The following BASP1 variants were observed in gnomAD, a reference collection of about 807,000 sequenced individuals.
BASP1 encodes brain acid soluble protein 1.
BASP1 carries 1 observed loss-of-function variant against 2.2 expected under a neutral mutation model. The ratio of observed to expected loss-of-function variants is 0.46; its 90% confidence interval spans 0.16 to 2.17. BASP1 has a LOEUF of 2.17. Among genes scored for constraint, BASP1 ranks in the 30% most tolerant of loss-of-function variants. The pLI is 0.27. For missense variants in BASP1, 352 were observed against 327.2 expected (o/e 1.08, Z -0.58); for synonymous variants, 187 against 154.2 (o/e 1.21, Z -1.58).
At chr5:17,234,408 G>A (rs753533321) in intron 1 of BASP1, among the ~76,000 whole-genome samples, 3 of 152,062 alleles carry the variant, frequency 2.0e-5, no homozygotes, top group Non-Finnish European at 2.9e-5. Flanking sequence ...TAGTTAAAAG[G>A]TACAAATAAT....
In BASP1 at chr5:17,275,176, G is replaced by A. The variant is rs766744463; in HGVS notation, c.-9-32G>A. On this transcript the variant is annotated intron_variant, in intron 1 of 1. Transcript: ENST00000322611. The surrounding 1 kb of genome is among the most constrained non-coding windows in gnomAD (Gnocchi z 5.3). ...TGGTCCCCACACTTGCCTAGTAACCGCCGTTTTGTTTTGTTTTGTGTTTGC... is the reference window on the plus strand; with the variant it reads ...TGGTCCCCACACTTGCCTAGTAACCACCGTTTTGTTTTGTTTTGTGTTTGC... The A allele has an allele frequency of 6.9e-6, 11 of 1,605,222 alleles. No homozygotes were observed. The highest frequency in any genetic ancestry group is 6.6e-5 in the South Asian group (6 of 90,280).
chr5:17,262,921 A>G (rs1288741978), intron 1 of BASP1, among the ~76,000 whole-genome samples: 3 of 150,444 alleles, frequency 2.0e-5, no homozygotes, highest in Non-Finnish European at 4.4e-5. Context: ...ATCTCGGCTC[A>G]CTGCAAGCTC....
At chr5:17,247,506 C>A (rs530355175) in intron 1 of BASP1, among the ~76,000 whole-genome samples, 2 of 152,320 alleles carry the variant, frequency 1.3e-5, no homozygotes, top group South Asian at 2.1e-4. Flanking sequence ...CGGTTGAATA[C>A]CAGACTGCCC....
chr5:17,268,540 T>A (rs976909584), intron 1 of BASP1, among the ~76,000 whole-genome samples: 2 of 152,208 alleles, frequency 1.3e-5, no homozygotes, highest in Admixed American at 1.3e-4. Context: ...TGTGGTTTTT[T>A]AGTGAAATTC....
At chr5:17,242,571 A>C (rs189783569) in intron 1 of BASP1, among the ~76,000 whole-genome samples, 252 of 152,282 alleles carry the variant, frequency 1.7e-3, no homozygotes, top group African/African-American at 5.7e-3. Flanking sequence ...ACAAATTTAT[A>C]ATGACACGTA....
At chr5:17,221,736 C>T (rs1293394472) in intron 1 of BASP1, among the ~76,000 whole-genome samples, 1 of 151,888 alleles carries the variant, frequency 6.6e-6, no homozygotes, top group East Asian at 1.9e-4. Flanking sequence ...GAGCTTTTTT[C>T]TTTGGCTTAA....
At chr5:17,221,794 T>C (rs989452937) in intron 1 of BASP1, among the ~76,000 whole-genome samples, 10 of 152,142 alleles carry the variant, frequency 6.6e-5, no homozygotes, top group Admixed American at 3.9e-4. Flanking sequence ...GCAAATAGAA[T>C]ATTTTGAAAG....
At chr5:17,230,436 T>A (rs1739608428) in intron 1 of BASP1, among the ~76,000 whole-genome samples, 1 of 152,034 alleles carries the variant, frequency 6.6e-6, no homozygotes, top group Admixed American at 6.5e-5. Flanking sequence ...GGCTAATGAA[T>A]TTTGGGGCCT....
chr5:17,233,851 G>A (rs543338475), intron 1 of BASP1, among the ~76,000 whole-genome samples: 16 of 151,904 alleles, frequency 1.1e-4, no homozygotes, highest in South Asian at 6.2e-4. Context: ...AATACAGGCC[G>A]GGCGCAGTGG....
At chr5:17,234,746 G>A (rs528076854) in intron 1 of BASP1, among the ~76,000 whole-genome samples, 2 of 152,164 alleles carry the variant, frequency 1.3e-5, no homozygotes, top group Admixed American at 6.5e-5. Context: ...ATGTTGGTCC[G>A]TAGATACATG....
In BASP1 at chr5:17,234,381, TA is replaced by T. The variant is rs113548632; in HGVS notation, c.-10+16582del. On this transcript the variant is annotated intron_variant, in intron 1 of 1. Coordinates refer to ENST00000322611, the MANE Select transcript of BASP1 (RefSeq NM_006317.5). ...ACACTTACACATTTGAAGCCGTAAG[TA>T]AAAAAAAAAATTATATAGTTAAAAG... Among the ~76,000 whole-genome samples, 407 of 148,530 alleles carry T rather than the reference TA, an allele frequency of 2.7e-3. 1 individual carries two copies. Among genetic ancestry groups the T allele is most frequent in the African/African-American group, 9.2e-3 (374 of 40,656 alleles).
chr5:17,268,566 G>A (rs534940432), intron 1 of BASP1, among the ~76,000 whole-genome samples: 1 of 152,294 alleles, frequency 6.6e-6, no homozygotes, highest in East Asian at 1.9e-4. Context: ...TATTAAAATA[G>A]CGTGTACAGA....
intron 1 of BASP1, among the ~76,000 whole-genome samples, chr5:17,232,487 C>T (rs569452774): frequency 1.3e-5 from 2 of 152,292 alleles, no homozygotes; most frequent in African/African-American, 2.4e-5. Context: ...TACTCTGCAT[C>T]GTGAGTTCTA....
intron 1 of BASP1, among the ~76,000 whole-genome samples, chr5:17,253,274 G>A (rs566155961): frequency 6.6e-6 from 1 of 152,296 alleles, no homozygotes; most frequent in African/African-American, 2.4e-5. Flanking sequence ...GCAGTGGCGT[G>A]ATAATGGCTC....
chr5:17,250,971 T>C (rs1456015341), intron 1 of BASP1, among the ~76,000 whole-genome samples: 1 of 152,218 alleles, frequency 6.6e-6, no homozygotes, highest in African/African-American at 2.4e-5. Context: ...CTGTTAGATT[T>C]AGATTTTGCT....
chr5:17,230,156 G>GAAC (rs1328802550), intron 1 of BASP1, among the ~76,000 whole-genome samples: 3 of 152,158 alleles, frequency 2.0e-5, no homozygotes, highest in African/African-American at 7.2e-5. Flanking sequence ...GTTCTAGACA[G>GAAC]AAGAGTTGAC....
At chr5:17,273,406 A>G (rs1261654335) in intron 1 of BASP1, among the ~76,000 whole-genome samples, 1 of 152,192 alleles carries the variant, frequency 6.6e-6, no homozygotes, top group East Asian at 1.9e-4. Context: ...TCTAAAAAAA[A>G]AGGACATGTA....
At chr5:17,230,172 G>A (rs767716232) in intron 1 of BASP1, among the ~76,000 whole-genome samples, 1 of 152,172 alleles carries the variant, frequency 6.6e-6, no homozygotes, top group African/African-American at 2.4e-5. Context: ...TTGACCAGAT[G>A]CCTAGGCCAC....
chr5:17,217,053 G>GGGGAGAGAGA (rs1739251192), upstream of BASP1: 2 of 104,146 alleles, frequency 1.9e-5, no homozygotes, highest in Admixed American at 1.1e-4. Context: ...TAAATGAGGG[G>GGGGAGAGAGA]GAGAGAGAGA....
Sources: gnomAD v4.1 joint callset for allele counts (sites outside exome capture counted in the v4.1 genomes callset) on GRCh38, gnomAD v4.1.1 for gene constraint, Gnocchi (gnomAD v3.1) non-coding constraint, MANE v1.5 for transcripts, NCBI Gene and HGNC (gene_info 2026-07-23, HGNC 2026-07-21) for gene names.